The following C11orf65 variants were observed in gnomAD, a reference collection of about 807,000 sequenced individuals.
C11orf65 encodes the protein protein MFI.
A neutral mutation model predicts 35.3 loss-of-function variants in C11orf65; 38 were observed. The ratio of observed to expected loss-of-function variants is 1.08; its 90% CI spans 0.83 to 1.41. The LOEUF is 1.41. C11orf65 is among the 40% of genes most tolerant of loss of function. The pLI, the probability that C11orf65 is intolerant of heterozygous loss-of-function variation, is 0.00. For synonymous variants in C11orf65, 105 were observed against 114.4 expected (o/e 0.92, Z 0.53); for missense variants, 370 against 367.1 (o/e 1.01, Z -0.06).
intron 2 of C11orf65, among the ~76,000 whole-genome samples, chr11:108,357,142 G>GA (rs2090062591): frequency 6.6e-6 from 1 of 152,256 alleles, no homozygotes; most frequent in South Asian, 2.1e-4. Flanking sequence ...GGAAGCGCAA[G>GA]GGTCAGGGAG....
intron 2 of C11orf65, among the ~76,000 whole-genome samples, chr11:108,460,316 C>T (rs2093458156): frequency 6.6e-6 from 1 of 152,118 alleles, no homozygotes; most frequent in Admixed American, 6.5e-5. Context: ...GCACAGAGTC[C>T]TGCTGCTATC....
intron 2 of C11orf65, chr11:108,365,663 C>A: frequency 1.1e-6 from 1 of 923,706 alleles, no homozygotes; most frequent in Non-Finnish European, 1.6e-6. Context: ...ATTTAATCAC[C>A]ACTCAAAAAT....
intron 6 of C11orf65, chr11:108,316,219 C>T: frequency 1.9e-6 from 2 of 1,056,762 alleles, no homozygotes; most frequent in South Asian, 2.7e-5. Context: ...AGAGATAAGA[C>T]TAGAACTTAT....
intron 6 of C11orf65, among the ~76,000 whole-genome samples, chr11:108,322,405 C>G (rs2085303169): frequency 6.6e-6 from 1 of 152,226 alleles, no homozygotes; most frequent in Admixed American, 6.5e-5. Flanking sequence ...CCACCCGCTT[C>G]AGCCTCCCAA....
chr11:108,321,831 T>G (rs146773774), intron 6 of C11orf65, among the ~76,000 whole-genome samples: 32 of 152,322 alleles, frequency 2.1e-4, no homozygotes, highest in African/African-American at 7.5e-4. Context: ...TGTGTTTCTT[T>G]CCTTTTATCA....
chr11:108,425,374 A>G (rs1015666735), intron 3 of C11orf65, among the ~76,000 whole-genome samples: 1 of 152,356 alleles, frequency 6.6e-6, no homozygotes, highest in East Asian at 1.9e-4. Flanking sequence ...ACACACCTCT[A>G]TGCAAATAAA....
At chr11:108,352,212 A>T (rs2089295127) in intron 2 of C11orf65, among the ~76,000 whole-genome samples, 1 of 152,252 alleles carries the variant, frequency 6.6e-6, no homozygotes, top group African/African-American at 2.4e-5. Flanking sequence ...TGTTGGAATT[A>T]TCTAAGATTT....
chr11:108,368,645 T>C (rs1227504829), intron 2 of C11orf65: 1 of 217,408 alleles, frequency 4.6e-6, no homozygotes, highest in Non-Finnish European at 9.2e-6. Context: ...AAAAGGTCAA[T>C]GAAAACCAAA....
At chr11:108,327,297 T>G (rs1336771134), downstream of C11orf65, 2 of 285,084 alleles carry the variant, frequency 7.0e-6, no homozygotes, top group East Asian at 1.8e-4. Flanking sequence ...GTACCTCAGT[T>G]TTCTAATCTG....
At chr11:108,451,366 GACAA>G (rs1223460337) in intron 2 of C11orf65, among the ~76,000 whole-genome samples, 27 of 151,870 alleles carry the variant, frequency 1.8e-4, no homozygotes, top group Admixed American at 2.6e-4. Context: ...ACCAATAACA[GACAA>G]ACAGAGAGCC....
chr11:108,449,265 A>C (rs1042833137), intron 2 of C11orf65, among the ~76,000 whole-genome samples: 2 of 151,992 alleles, frequency 1.3e-5, no homozygotes, highest in Admixed American at 6.5e-5. Flanking sequence ...GACTTTCTTC[A>C]CAGAATTGGA....
At chr11:108,348,412 T>A (rs988229499) in intron 2 of C11orf65, among the ~76,000 whole-genome samples, 1 of 150,986 alleles carries the variant, frequency 6.6e-6, no homozygotes, top group Non-Finnish European at 1.5e-5. Flanking sequence ...TATGTATATA[T>A]ATAGACAGTT....
chr11:108,332,420 G>A (rs920258627), intron 3 of C11orf65, among the ~76,000 whole-genome samples: 1 of 151,966 alleles, frequency 6.6e-6, no homozygotes, highest in Non-Finnish European at 1.5e-5. Flanking sequence ...CAACAAGAGC[G>A]AAACTCTGTC....
intron 2 of C11orf65, among the ~76,000 whole-genome samples, chr11:108,370,066 A>C (rs1267604803): frequency 6.6e-6 from 1 of 152,130 alleles, no homozygotes; most frequent in African/African-American, 2.4e-5. Context: ...TAGTGTTTTC[A>C]TTAAGGTTAA....
At chr11:108,391,014 C>T (rs535578825) in intron 7 of C11orf65, among the ~76,000 whole-genome samples, 39 of 151,260 alleles carry the variant, frequency 2.6e-4, no homozygotes, top group Non-Finnish European at 5.2e-4. Flanking sequence ...ATCATTCTTC[C>T]CCCTTTTTCT....
intron 3 of C11orf65, chr11:108,334,835 T>C: frequency 9.5e-7 from 1 of 1,047,992 alleles, no homozygotes; most frequent in South Asian, 1.5e-5. Context: ...CGGCCTAAAG[T>C]TGTAGTTCTT....
chr11:108,405,371 A>G (rs1042431997), intron 6 of C11orf65, 58 bp downstream of exon 6: 8 of 1,573,842 alleles, frequency 5.1e-6, no homozygotes, highest in East Asian at 4.5e-5. Context: ...CCTCATTTCA[A>G]ATTTGTTTTT....
chr11:108,347,788 G>A (rs2137102619), intron 2 of C11orf65, among the ~76,000 whole-genome samples: 1 of 152,230 alleles, frequency 6.6e-6, no homozygotes, highest in South Asian at 2.1e-4. Context: ...ACTGTAAAAA[G>A]CCAGGCTAAG....
chr11:108,400,941 C>T (rs1394626578), intron 6 of C11orf65, among the ~76,000 whole-genome samples: 1 of 152,004 alleles, frequency 6.6e-6, no homozygotes, highest in East Asian at 1.9e-4. Flanking sequence ...CCTGCCTCTA[C>T]TAAAAATACA....
Sources: allele counts gnomAD v4.1 joint callset (sites outside exome capture counted in the v4.1 genomes callset), GRCh38; gene constraint gnomAD v4.1.1; transcripts MANE v1.5; gene names NCBI Gene and HGNC (gene_info 2026-07-23, HGNC 2026-07-21).